The following FRMPD4 variants were observed in gnomAD, a reference collection of about 807,000 sequenced individuals.
The protein encoded by FRMPD4 is FERM and PDZ domain containing 4.
Under a neutral mutation model 94.1 loss-of-function variants are expected in FRMPD4, and 22 were observed. That is an observed-to-expected ratio of 0.23 (90% CI 0.17 to 0.33). The LOEUF (loss-of-function observed/expected upper bound fraction) is 0.33, where lower values mean the gene tolerates loss of function less well. FRMPD4 is among the 10% of genes least tolerant of loss of function. The probability of loss-of-function intolerance (pLI) is 1.00; values close to 1 mark genes in which losing one functional copy is unlikely to be tolerated. For synonymous variants in FRMPD4, 631 were observed against 548.6 expected, an observed-to-expected ratio of 1.15 and a Z score of -2.10; for missense variants, 1,111 against 1,339.9, an observed-to-expected ratio of 0.83 and a Z score of 2.67.
chrX:12,165,324 T>G (rs1463180475), intron 1 of FRMPD4, among the ~76,000 whole-genome samples: 3 of 112,496 alleles, frequency 2.7e-5, no homozygotes, highest in Non-Finnish European at 5.6e-5. Flanking sequence ...CCCCATTGCT[T>G]GTTTTTGTCA....
At chrX:12,073,077 T>C (rs2054983170) in intron 3 of FRMPD4, among the ~76,000 whole-genome samples, 1 of 111,688 alleles carries the variant, frequency 9.0e-6, no homozygotes, top group Non-Finnish European at 1.9e-5. Context: ...AGTTGATACA[T>C]GTAGGTCTAT....
intron 3 of FRMPD4, among the ~76,000 whole-genome samples, chrX:11,987,502 A>G (rs1807644390): frequency 9.0e-6 from 1 of 111,503 alleles, no homozygotes; most frequent in African/African-American, 3.3e-5. Context: ...TTTCTCTAAG[A>G]TCTGGAACAT....
At chrX:12,649,538 C>G (rs1425236914) in intron 4 of FRMPD4, among the ~76,000 whole-genome samples, 10 of 111,469 alleles carry the variant, frequency 9.0e-5, no homozygotes, top group Non-Finnish European at 3.8e-5. Flanking sequence ...AAGGACTATC[C>G]TAGGAGTGGA....
At chrX:12,335,306 T>G (rs1440475046) in intron 1 of FRMPD4, among the ~76,000 whole-genome samples, 3 of 110,401 alleles carry the variant, frequency 2.7e-5, no homozygotes, top group African/African-American at 9.9e-5. Flanking sequence ...TTTAAACTTT[T>G]TTGTTGAGAC....
At chrX:11,840,735 A>T (rs866055755) in intron 1 of FRMPD4, among the ~76,000 whole-genome samples, 2 of 103,107 alleles carry the variant, frequency 1.9e-5, no homozygotes, top group Non-Finnish European at 3.9e-5. Flanking sequence ...TTTATTTTTT[A>T]TTTTTTTTTA....
At chrX:12,136,343 A>T (rs1305199693), upstream of FRMPD4, among the ~76,000 whole-genome samples, 1 of 110,861 alleles carries the variant, frequency 9.0e-6, no homozygotes, top group African/African-American at 3.3e-5. Flanking sequence ...AAAAAAAAGA[A>T]ATCCTAAAGA....
intron 3 of FRMPD4, among the ~76,000 whole-genome samples, chrX:12,095,628 A>C (rs901917354): frequency 1.8e-5 from 2 of 110,991 alleles, no homozygotes; most frequent in African/African-American, 6.6e-5. Context: ...TCCAGCAAAA[A>C]GGTCATCAGT....
intron 3 of FRMPD4, among the ~76,000 whole-genome samples, chrX:11,883,710 C>T (rs751173804): frequency 1.2e-4 from 13 of 111,801 alleles, no homozygotes; most frequent in Non-Finnish European, 2.4e-4. Context: ...TCTTCCAGTA[C>T]GTATGCACAG....
intron 3 of FRMPD4, among the ~76,000 whole-genome samples, chrX:11,951,986 T>C (rs1050107823): frequency 8.9e-6 from 1 of 112,152 alleles, no homozygotes; most frequent in Admixed American, 9.4e-5. Context: ...CAGTGAGTCA[T>C]AATGGCGCCA....
intron 1 of FRMPD4, among the ~76,000 whole-genome samples, chrX:11,850,309 C>T (rs1436485292): frequency 8.9e-6 from 1 of 112,096 alleles, no homozygotes; most frequent in South Asian, 3.7e-4. Context: ...TAGCTTTTAG[C>T]GAGGATGTGG....
chrX:11,916,314 A>G (rs1359703410), intron 3 of FRMPD4, among the ~76,000 whole-genome samples: 1 of 111,682 alleles, frequency 9.0e-6, no homozygotes, highest in Non-Finnish European at 1.9e-5. Flanking sequence ...GCTGAAGAAG[A>G]GGCTAGATTT....
chrX:11,910,389 A>C (rs2053990211), intron 3 of FRMPD4, among the ~76,000 whole-genome samples: 1 of 112,351 alleles, frequency 8.9e-6, no homozygotes, highest in African/African-American at 3.2e-5. Flanking sequence ...CGAACAAAAT[A>C]ATTTATAGTA....
chrX:11,963,203 G>T (rs1601859144), intron 3 of FRMPD4, among the ~76,000 whole-genome samples: 1 of 112,411 alleles, frequency 8.9e-6, no homozygotes, highest in East Asian at 2.8e-4. Context: ...GGTGATACAT[G>T]GAGAGGGCTG....
At chrX:12,091,902 G>C (rs909696503) in intron 3 of FRMPD4, among the ~76,000 whole-genome samples, 6 of 111,520 alleles carry the variant, frequency 5.4e-5, no homozygotes, top group Admixed American at 9.5e-5. Flanking sequence ...CTCTCAGAAT[G>C]ATGGTACTCC....
At chrX:12,139,672 G>A (rs1379235667) in intron 1 of FRMPD4, among the ~76,000 whole-genome samples, 1 of 111,532 alleles carries the variant, frequency 9.0e-6, no homozygotes, top group East Asian at 2.8e-4. Context: ...GGGTAGTACT[G>A]ATAAAAGAGG....
intron 3 of FRMPD4, among the ~76,000 whole-genome samples, chrX:11,989,575 C>A (rs2054452472): frequency 9.0e-6 from 1 of 110,602 alleles, no homozygotes; most frequent in African/African-American, 3.3e-5. Flanking sequence ...GCCTAGTATT[C>A]TAAAGTACAA....
intron 1 of FRMPD4, among the ~76,000 whole-genome samples, chrX:11,861,361 T>A (rs2053685764): frequency 9.0e-6 from 1 of 111,371 alleles, no homozygotes; most frequent in African/African-American, 3.3e-5. Context: ...TTTTTCTTTT[T>A]TTTTTCCCTT....
chrX:11,973,168 T>C (rs750898680), intron 3 of FRMPD4, among the ~76,000 whole-genome samples: 1 of 112,876 alleles, frequency 8.9e-6, no homozygotes, highest in Non-Finnish European at 1.9e-5. Context: ...CTCTTCTTTT[T>C]CATCTCTTTT....
chrX:12,590,374 C>T (rs2058971123), intron 2 of FRMPD4, among the ~76,000 whole-genome samples: 1 of 112,159 alleles, frequency 8.9e-6, no homozygotes, highest in Non-Finnish European at 1.9e-5. Flanking sequence ...TTCTTATTAT[C>T]ATGCAAATTT....
Sources: gnomAD v4.1 joint callset for allele counts (sites outside exome capture counted in the v4.1 genomes callset) on GRCh38, gnomAD v4.1.1 for gene constraint, MANE v1.5 for transcripts, NCBI Gene and HGNC (gene_info 2026-07-23, HGNC 2026-07-21) for gene names.